TBCK: variants seen among roughly 807,000 people sequenced by gnomAD.
The protein encoded by TBCK is TBC domain-containing protein kinase-like protein.
TBCK carries 99 observed loss-of-function variants against 113.4 expected under a neutral mutation model. That is an observed-to-expected ratio of 0.87 (90% CI 0.74 to 1.03). The LOEUF is 1.03. Among genes scored for constraint, TBCK ranks in the 50% least tolerant of loss-of-function variants. The probability of loss-of-function intolerance (pLI) is 0.00; values close to 1 mark genes in which losing one functional copy is unlikely to be tolerated. For missense variants in TBCK, 1,045 were observed against 1,061.3 expected, an observed-to-expected ratio of 0.98 and a Z score of 0.21; for synonymous variants, 369 against 370.8, an observed-to-expected ratio of 1.00 and a Z score of 0.05.
chr4:106,272,126 T>C (rs1186765166), intron 3 of TBCK, among the ~76,000 whole-genome samples: 1 of 149,064 alleles, frequency 6.7e-6, no homozygotes, highest in East Asian at 2.0e-4. Context: ...GATAATAGGT[T>C]TTAGATTTAA....
chr4:106,146,275 A>G (rs1187803588), intron 23 of TBCK, among the ~76,000 whole-genome samples: 3 of 152,188 alleles, frequency 2.0e-5, no homozygotes, highest in African/African-American at 7.2e-5. Flanking sequence ...ACAAAAAAGA[A>G]TGAGATCATG....
intron 19 of TBCK, among the ~76,000 whole-genome samples, chr4:106,222,082 ATTAT>A (rs1757759964): frequency 1.3e-5 from 2 of 152,268 alleles, no homozygotes; most frequent in African/African-American, 4.8e-5. Flanking sequence ...GGTAAATGGT[ATTAT>A]TTAAACAAAT....
rs1257137813 is a variant in TBCK at position 106,212,371 on chromosome 4, A to G, written c.1860+379T>C. 2.6e-5 allele frequency among the ~76,000 whole-genome samples: 4 copies of G among 152,172 alleles called. No homozygotes were observed. The East Asian group carries it at 7.7e-4, about 29-fold the overall frequency. On this transcript the variant is annotated intron_variant, in intron 20 of 25. Transcript: ENST00000394708. ...ACAGAGAAAAGAAAACCCAAAATCT[A>G]TCTAAGCTCCCAAAGTAGTATCAAG...
chr4:106,067,524 G>A (rs1402670394), intron 25 of TBCK, among the ~76,000 whole-genome samples: 1 of 151,976 alleles, frequency 6.6e-6, no homozygotes, highest in African/African-American at 2.4e-5. Flanking sequence ...CCAACTTACT[G>A]TTTGTTGTCT....
At chr4:106,239,657 CAT>C (rs1190623055) in intron 12 of TBCK, among the ~76,000 whole-genome samples, 1 of 151,896 alleles carries the variant, frequency 6.6e-6, no homozygotes, top group Non-Finnish European at 1.5e-5. Flanking sequence ...GGCCTTAAAA[CAT>C]ATAACTTTAG....
intron 22 of TBCK, among the ~76,000 whole-genome samples, chr4:106,177,443 C>T (rs537569874): frequency 2.6e-5 from 4 of 151,792 alleles, no homozygotes; most frequent in South Asian, 2.1e-4. Flanking sequence ...ATTTCCACAA[C>T]GTGGTCTAGT....
intron 2 of TBCK, among the ~76,000 whole-genome samples, chr4:106,296,464 A>G (rs1307859380): frequency 6.6e-6 from 1 of 152,178 alleles, no homozygotes; most frequent in Non-Finnish European, 1.5e-5. Flanking sequence ...AGAAGAAGAT[A>G]GGAAAGAGGA....
At chr4:106,280,816 T>A (rs946886737) in intron 3 of TBCK, among the ~76,000 whole-genome samples, 6 of 152,104 alleles carry the variant, frequency 3.9e-5, no homozygotes, top group African/African-American at 1.4e-4. Flanking sequence ...AATACCAAGC[T>A]GTTTTCGTTG....
chr4:106,043,101 A>T lies in TBCK; in HGVS notation c.*3469T>A, dbSNP rs1465411858. 1 of 152,218 alleles carries T rather than the reference A, an allele frequency of 6.6e-6. No individual in the cohort carries two copies. The highest frequency in any genetic ancestry group is 1.5e-5 in the Non-Finnish European group (1 of 68,042). 9.4% of individuals were successfully genotyped at this position (152,218 alleles called of 1,614,324 possible). ...ATACTGGGTATCCCACGGGCCTAAA[A>T]GCTGTGCCTTTCAGGTCCTTTTCAT... On this transcript the variant is annotated 3_prime_UTR_variant, in exon 26 of 26. Coordinates refer to ENST00000394708, the MANE Select transcript of TBCK (RefSeq NM_001163435.3).
At chr4:106,152,940 G>A (rs10003024) in intron 23 of TBCK, among the ~76,000 whole-genome samples, 60,751 of 151,630 alleles carry the variant, frequency 0.4, 12,434 homozygotes, top group African/African-American at 0.47. Flanking sequence ...TTAAATCTCT[G>A]TTTATTTGGA....
intron 24 of TBCK, among the ~76,000 whole-genome samples, chr4:106,112,909 T>A (rs781532118): frequency 1.3e-5 from 2 of 152,198 alleles, no homozygotes; most frequent in Non-Finnish European, 2.9e-5. Flanking sequence ...TAACCGGCAA[T>A]GCCCAGATTG....
intron 3 of TBCK, among the ~76,000 whole-genome samples, chr4:106,289,498 C>T (rs1362203586): frequency 5.9e-5 from 9 of 151,842 alleles, no homozygotes; most frequent in African/African-American, 7.3e-5. Flanking sequence ...CAGCCAGGCG[C>T]GGTGGCTCAT....
At chr4:106,069,263 T>A (rs1737066082) in intron 25 of TBCK, among the ~76,000 whole-genome samples, 1 of 152,140 alleles carries the variant, frequency 6.6e-6, no homozygotes, top group South Asian at 2.1e-4. Flanking sequence ...TCTTCTAGGG[T>A]TTTTATGGTT....
In TBCK at chr4:106,095,484, C is replaced by G; in HGVS notation, c.2569G>C (p.Glu857Gln). ...IVGHVAKHTA[E>Q]FAAHLVKMKY... Reference sequence around the variant, plus strand: ...ATGACATTTCTGAATATACTTACCTCAGCTGTGTGTTTTGCCACATGCCCC... The same window carrying G: ...ATGACATTTCTGAATATACTTACCTGAGCTGTGTGTTTTGCCACATGCCCC... The change falls in exon 25 of 26, where the codon GAG (glutamate) becomes CAG (glutamine). Residue 857 changes from glutamate to glutamine, a missense_variant and splice_region_variant. Physicochemically the swap from Glu to Gln is conservative, Grantham distance 29. Coordinates refer to ENST00000394708, the MANE Select transcript of TBCK (RefSeq NM_001163435.3). The G allele has an allele frequency of 6.2e-7, 1 of 1,613,442 alleles. No individual in the cohort carries two copies. The highest frequency in any genetic ancestry group is 8.5e-7 in the Non-Finnish European group (1 of 1,179,654).
chr4:106,165,664 A>AT (rs893086989), intron 23 of TBCK, among the ~76,000 whole-genome samples: 1 of 151,680 alleles, frequency 6.6e-6, no homozygotes, highest in Non-Finnish European at 1.5e-5. Flanking sequence ...TGTAATAATG[A>AT]TTTTTTACTC....
At chr4:106,093,591 G>C (rs1740570562) in intron 25 of TBCK, among the ~76,000 whole-genome samples, 1 of 152,140 alleles carries the variant, frequency 6.6e-6, no homozygotes, top group Admixed American at 6.5e-5. Context: ...AATGGTTTAT[G>C]ATCAATAGTC....
chr4:106,233,587 C>A lies in TBCK; in HGVS notation c.1512+1G>T, dbSNP rs927716022. The A allele has an allele frequency of 6.2e-7, 1 of 1,609,980 alleles. No individual in the cohort carries two copies. The highest frequency in any genetic ancestry group is 1.3e-5 in the African/African-American group (1 of 74,738). ...GTTGCTTAAGAAAACCTAAATCATA[C>A]TTGTCTATCTGTAGGAATTGGAGTG... is the stretch of plus-strand genomic sequence containing the variant. On this transcript the variant is annotated splice_donor_variant, in intron 16 of 25. Transcript: ENST00000394708. LOFTEE classifies it high-confidence loss of function.
chr4:106,180,247 T>C (rs914490735), intron 22 of TBCK, among the ~76,000 whole-genome samples: 25 of 152,158 alleles, frequency 1.6e-4, no homozygotes, highest in African/African-American at 6.0e-4. Flanking sequence ...TATTCAAGAT[T>C]ATTAATAATA....
chr4:106,215,019 G>T (rs13258128), intron 19 of TBCK, among the ~76,000 whole-genome samples: 2 of 150,278 alleles, frequency 1.3e-5, no homozygotes, highest in Admixed American at 6.6e-5. Context: ...CGGATCTCTC[G>T]GCAGAAACCC....
Sources: allele counts gnomAD v4.1 joint callset (sites outside exome capture counted in the v4.1 genomes callset), GRCh38; gene constraint gnomAD v4.1.1; transcripts MANE v1.5; gene names NCBI Gene and HGNC (gene_info 2026-07-23, HGNC 2026-07-21).